Variants in DNAJC1 observed in about 807,000 individuals in gnomAD.
DNAJC1 encodes the protein DnaJ heat shock protein family (Hsp40) member C1, also known as dnaJ homolog subfamily C member 1.
A neutral mutation model predicts 76.6 loss-of-function variants in DNAJC1; 58 were observed. That is an observed-to-expected ratio of 0.76 (90% CI 0.61 to 0.94). The LOEUF is 0.94. DNAJC1 is among the 40% of genes least tolerant of loss of function. DNAJC1 has a pLI of 0.00. For synonymous variants in DNAJC1, 258 were observed against 267.9 expected (o/e 0.96, Z 0.36); for missense variants, 689 against 677.3 (o/e 1.02, Z -0.19).
chr10:21,906,492 G>A (rs1193123676), intron 6 of DNAJC1, among the ~76,000 whole-genome samples: 3 of 152,164 alleles, frequency 2.0e-5, no homozygotes, highest in Admixed American at 2.0e-4. Flanking sequence ...TAGGGAAGAA[G>A]AAAAGGTCAG....
intron 8 of DNAJC1, among the ~76,000 whole-genome samples, chr10:21,818,402 C>G (rs937260745): frequency 6.6e-6 from 1 of 152,230 alleles, no homozygotes; most frequent in Non-Finnish European, 1.5e-5. Context: ...GCCGAAACTT[C>G]ATTAGCAATT....
chr10:21,857,823 T>C (rs1326949721), intron 8 of DNAJC1, among the ~76,000 whole-genome samples: 2 of 151,582 alleles, frequency 1.3e-5, no homozygotes, highest in African/African-American at 2.4e-5. Context: ...GCCACTGCAC[T>C]CCAGCCTGGC....
chr10:21,881,844 TAAAAAAAAAAAAAA>T (rs1002377641), intron 8 of DNAJC1, among the ~76,000 whole-genome samples: 14 of 55,414 alleles, frequency 2.5e-4, no homozygotes, highest in Non-Finnish European at 4.5e-4. Flanking sequence ...CCTCAATTTG[TAAAAAAAAAAAAAA>T]AAAAAAAAAA....
At chr10:21,989,169 T>C (rs1393022340) in intron 1 of DNAJC1, among the ~76,000 whole-genome samples, 1 of 152,128 alleles carries the variant, frequency 6.6e-6, no homozygotes, top group Non-Finnish European at 1.5e-5. Flanking sequence ...AACCTGACCA[T>C]AGTTCTGGAT....
chr10:21,774,756 C>A (rs1489466518), intron 9 of DNAJC1, among the ~76,000 whole-genome samples: 2 of 152,230 alleles, frequency 1.3e-5, no homozygotes, highest in Non-Finnish European at 2.9e-5. Flanking sequence ...GGATTACAGG[C>A]ATGAGCCACC....
intron 8 of DNAJC1, among the ~76,000 whole-genome samples, chr10:21,815,498 A>G (rs1029716807): frequency 1.3e-5 from 2 of 152,158 alleles, no homozygotes; most frequent in Admixed American, 6.5e-5. Context: ...CTGACACAGG[A>G]GTTTTAAGTT....
At chr10:21,849,564 T>C (rs952164996) in intron 8 of DNAJC1, among the ~76,000 whole-genome samples, 7 of 152,078 alleles carry the variant, frequency 4.6e-5, no homozygotes, top group Non-Finnish European at 8.8e-5. Context: ...TCAGTCCTTT[T>C]CAAAATCTTA....
In DNAJC1 at chr10:21,929,719, T is replaced by A. The variant is rs140878974; in HGVS notation, c.223-578A>T. 6.0e-3 allele frequency among the ~76,000 whole-genome samples: 920 copies of A among 152,308 alleles called. 6 individuals carry two copies. The highest frequency in any genetic ancestry group is 0.021 in the African/African-American group (864 of 41,566). On this transcript the variant is annotated intron_variant, in intron 1 of 11. Transcript: ENST00000376980. The stretch of plus-strand genomic sequence containing the variant: ...AAGAGTTAAATATACTATACTTATT[T>A]ACTTAGTACTTTAAAGGGTATTTTC...
At chr10:21,911,040 AAAGGAAGG>A (rs56239918) in intron 6 of DNAJC1, among the ~76,000 whole-genome samples, 15,339 of 129,926 alleles carry the variant, frequency 0.12, 1,018 homozygotes, top group Non-Finnish European at 0.13. Context: ...AAAGAGAGAG[AAAGGAAGG>A]AAGGAAGGAA....
intron 9 of DNAJC1, among the ~76,000 whole-genome samples, chr10:21,781,305 C>T (rs1200691640): frequency 6.6e-6 from 1 of 152,214 alleles, no homozygotes; most frequent in African/African-American, 2.4e-5. Flanking sequence ...AGCAACACAT[C>T]GCACTTATTC....
chr10:21,977,058 G>C (rs753476663), intron 1 of DNAJC1, among the ~76,000 whole-genome samples: 1 of 152,110 alleles, frequency 6.6e-6, no homozygotes, highest in African/African-American at 2.4e-5. Context: ...TCATCAATGA[G>C]TCAGAGCATA....
At chr10:21,879,978 A>G (rs1836247446) in intron 8 of DNAJC1, among the ~76,000 whole-genome samples, 1 of 152,162 alleles carries the variant, frequency 6.6e-6, no homozygotes, top group Non-Finnish European at 1.5e-5. Flanking sequence ...GCATTTTACC[A>G]TCTCCAACCC....
chr10:21,918,361 G>C (rs963258055), intron 6 of DNAJC1, among the ~76,000 whole-genome samples: 4 of 140,934 alleles, frequency 2.8e-5, no homozygotes, highest in African/African-American at 1.0e-4. Flanking sequence ...CAATTATACA[G>C]ATGTTCATGT....
chr10:21,941,688 A>T (rs1837414470), intron 1 of DNAJC1, among the ~76,000 whole-genome samples: 1 of 152,192 alleles, frequency 6.6e-6, no homozygotes, highest in Non-Finnish European at 1.5e-5. Flanking sequence ...CAATAAATAC[A>T]AAAGTATTAT....
chr10:21,942,241 AG>A (rs1837425238), intron 1 of DNAJC1, among the ~76,000 whole-genome samples: 1 of 152,188 alleles, frequency 6.6e-6, no homozygotes, highest in Admixed American at 6.5e-5. Context: ...TAGGACAAAG[AG>A]TGGTAATAAG....
At chr10:21,876,142 G>A (rs1303188766) in intron 8 of DNAJC1, among the ~76,000 whole-genome samples, 1 of 148,156 alleles carries the variant, frequency 6.7e-6, no homozygotes, top group Non-Finnish European at 1.5e-5. Flanking sequence ...AGACAGTCTT[G>A]CTCTGTCGCC....
intron 7 of DNAJC1, among the ~76,000 whole-genome samples, chr10:21,890,799 T>C (rs1836448826): frequency 6.6e-6 from 1 of 152,060 alleles, no homozygotes; most frequent in Non-Finnish European, 1.5e-5. Context: ...CCCCTAAATG[T>C]CCAAATTTAA....
chr10:21,843,942 A>G (rs1383789894), intron 8 of DNAJC1, among the ~76,000 whole-genome samples: 2 of 152,132 alleles, frequency 1.3e-5, no homozygotes, highest in African/African-American at 2.4e-5. Flanking sequence ...TGAGGTGGAG[A>G]TAACTGAATC....
chr10:21,976,928 A>G (rs1210867187), intron 1 of DNAJC1, among the ~76,000 whole-genome samples: 2 of 152,098 alleles, frequency 1.3e-5, no homozygotes, highest in Non-Finnish European at 2.9e-5. Flanking sequence ...TTTCTTCCGT[A>G]ACAACAACAG....
Sources: gnomAD v4.1 joint callset for allele counts (sites outside exome capture counted in the v4.1 genomes callset) on GRCh38, gnomAD v4.1.1 for gene constraint, MANE v1.5 for transcripts, NCBI Gene and HGNC (gene_info 2026-07-23, HGNC 2026-07-21) for gene names.